NXN: variants seen among roughly 807,000 people sequenced by gnomAD.
The protein encoded by NXN is nucleoredoxin 1.
Under a neutral mutation model 48.6 loss-of-function variants are expected in NXN, and 16 were observed. The ratio of observed to expected loss-of-function variants is 0.33; its 90% CI spans 0.22 to 0.50. The LOEUF is 0.50. Among genes scored for constraint, NXN ranks in the 20% least tolerant of loss-of-function variants. NXN has a pLI of 0.98. For synonymous variants in NXN, 281 were observed against 269.6 expected (o/e 1.04, Z -0.41); for missense variants, 492 against 605.5 (o/e 0.81, Z 1.97).
intron 1 of NXN, chr17:910,007 A>G (rs1007015252): frequency 5.9e-5 from 9 of 152,228 alleles, no homozygotes; most frequent in African/African-American, 1.9e-4. Context: ...TACTTCTAAC[A>G]TAAAGGCAGT....
At chr17:847,912 T>G (rs957873979) in intron 1 of NXN, among the ~76,000 whole-genome samples, 5 of 152,002 alleles carry the variant, frequency 3.3e-5, no homozygotes, top group Non-Finnish European at 5.9e-5. Context: ...AATAAAGAAA[T>G]AAATATAGGA....
intron 1 of NXN, among the ~76,000 whole-genome samples, chr17:938,062 A>C (rs578131715): frequency 6.6e-6 from 1 of 152,360 alleles, no homozygotes; most frequent in Admixed American, 6.5e-5. Flanking sequence ...CACATTTGAA[A>C]ACCCACCAAG....
At position 803,754 on chromosome 17, in the gene NXN, T is replaced by C. The variant is rs1245635818; in HGVS notation, c.1053A>G (p.Ile351Met). The change falls in exon 7 of 8, where the codon ATA (isoleucine) becomes ATG (methionine). Residue 351 changes from isoleucine (I) to methionine (M), a missense_variant. Coordinates refer to ENST00000336868, the MANE Select transcript of NXN (RefSeq NM_022463.5). ...TGTACTTGGCAATGATTTTCTCAGC[T>C]ATCGGCTGAATCAGCTGCTTGGCCG... The part of the protein sequence containing the change: ...SEAAKQLIQP[I>M]AEKIIAKYKA... The C allele has an allele frequency of 3.7e-6, 6 of 1,614,192 alleles. No homozygotes were observed. The highest frequency in any genetic ancestry group is 5.1e-6 in the Non-Finnish European group (6 of 1,180,000).
intron 1 of NXN, among the ~76,000 whole-genome samples, chr17:888,028 G>A (rs896496747): frequency 2.0e-5 from 3 of 152,136 alleles, no homozygotes; most frequent in African/African-American, 7.2e-5. Context: ...GTTGAGAAGC[G>A]TGCCAGGTAC....
chr17:836,737 T>C (rs1913845614), intron 1 of NXN, among the ~76,000 whole-genome samples: 2 of 152,166 alleles, frequency 1.3e-5, no homozygotes, highest in African/African-American at 2.4e-5. Flanking sequence ...GCTGTGAACA[T>C]GAGTTACATA....
intron 1 of NXN, among the ~76,000 whole-genome samples, chr17:838,453 A>T (rs1301231891): frequency 6.6e-6 from 1 of 152,034 alleles, no homozygotes; most frequent in Non-Finnish European, 1.5e-5. Context: ...TTTTCTAACC[A>T]ATTTACAGAT....
At chr17:836,234 G>T (rs374910841) in intron 1 of NXN, among the ~76,000 whole-genome samples, 2 of 152,150 alleles carry the variant, frequency 1.3e-5, no homozygotes, top group African/African-American at 2.4e-5. Flanking sequence ...ATCTGCCCCC[G>T]CATGCTAAGG....
rs1237077065 is a variant in NXN, at chr17:917,097, T to G, written c.360+62222A>C. Among the ~76,000 whole-genome samples, 2 of 151,950 alleles carry G rather than the reference T, an allele frequency of 1.3e-5. No individual in the cohort carries two copies. The highest frequency in any genetic ancestry group is 3.9e-4 in the East Asian group (2 of 5,178). Reference sequence around the variant, plus strand: ...CTACAAATCAAACATCCGCTTTGCCTCCAACAAGATTCCCTGTTCCTAAGT... The same window carrying G: ...CTACAAATCAAACATCCGCTTTGCCGCCAACAAGATTCCCTGTTCCTAAGT... On this transcript the variant is annotated intron_variant, in intron 1 of 7. Transcript: ENST00000336868. This position sits in a 1 kb window ranked among gnomAD's most constrained non-coding sequence, Gnocchi z 4.5.
intron 1 of NXN, among the ~76,000 whole-genome samples, chr17:947,044 C>T (rs1363241280): frequency 1.3e-5 from 2 of 152,182 alleles, no homozygotes; most frequent in African/African-American, 4.8e-5. Flanking sequence ...AGAGACGATA[C>T]ACGCCAGCAC....
intron 1 of NXN, chr17:842,563 C>T (rs1489273904): frequency 3.0e-6 from 3 of 985,296 alleles, no homozygotes; most frequent in Admixed American, 6.1e-5. Flanking sequence ...CGGCACATCC[C>T]GAGACACGTG....
intron 7 of NXN, among the ~76,000 whole-genome samples, chr17:801,831 G>T (rs1265361249): frequency 6.6e-6 from 1 of 152,176 alleles, no homozygotes; most frequent in Non-Finnish European, 1.5e-5. Context: ...GGCCAATCTG[G>T]ACTTCAACTC....
At chr17:848,668 G>T (rs1308198163) in intron 1 of NXN, among the ~76,000 whole-genome samples, 1 of 152,214 alleles carries the variant, frequency 6.6e-6, no homozygotes, top group Non-Finnish European at 1.5e-5. Flanking sequence ...ACTCAAAGGG[G>T]CCACCACACG....
intron 1 of NXN, among the ~76,000 whole-genome samples, chr17:885,887 A>G (rs370151313): frequency 6.7e-6 from 1 of 150,034 alleles, no homozygotes; most frequent in African/African-American, 2.5e-5. Context: ...ACGGGGTTTC[A>G]CCGTGTCAGC....
chr17:853,723 A>ATATATATATATATATATATATAT (rs1491528474), intron 1 of NXN, among the ~76,000 whole-genome samples: 50 of 105,950 alleles, frequency 4.7e-4, no homozygotes, highest in Non-Finnish European at 5.7e-4. Context: ...ATATATATAT[A>ATATATATATATATATATATATAT]TTTTTTTTTT....
chr17:921,136 G>A (rs893099069), intron 1 of NXN, among the ~76,000 whole-genome samples: 17 of 152,138 alleles, frequency 1.1e-4, no homozygotes, highest in Non-Finnish European at 2.2e-4. Context: ...ACGGGACGGC[G>A]TTCAGCCACC....
rs2068729446 is a variant in NXN, at chr17:919,999, A to C, written c.360+59320T>G. On this transcript the variant is annotated intron_variant, in intron 1 of 7. Coordinates refer to ENST00000336868, the MANE Select transcript of NXN (RefSeq NM_022463.5). This position sits in a 1 kb window ranked among gnomAD's most constrained non-coding sequence, Gnocchi z 5.1. ...CATCACCCATCCAGAGCAACTACCC[A>C]CTTCCACGGCCTCCTCCATGTGAGG... 6.6e-6 allele frequency among the ~76,000 whole-genome samples: 1 copy of C among 151,796 alleles called. No homozygotes were observed. The highest frequency in any genetic ancestry group is 2.1e-4 in the South Asian group (1 of 4,806).
At position 911,938 on chromosome 17, in the gene NXN, C is replaced by CTT. The variant is rs147131427; in HGVS notation, c.360+67379_360+67380dup. ...CTTCCAGACGATATTCATGCATATA[C>CTT]TTTTTTTTTTTTTTTGAGATGGACA... On this transcript the variant is annotated intron_variant, in intron 1 of 7. Coordinates refer to ENST00000336868, the MANE Select transcript of NXN (RefSeq NM_022463.5). 9.0e-3 allele frequency among the ~76,000 whole-genome samples: 1,282 copies of CTT among 141,790 alleles called. 23 individuals are homozygous for CTT. Among genetic ancestry groups the CTT allele is most frequent in the African/African-American group, 0.031 (1,207 of 38,340 alleles). The allele number at this position is 141,790 out of a possible 152,430, so 93.0% of individuals were successfully genotyped here.
chr17:934,648 T>C (rs1383627249), intron 1 of NXN, among the ~76,000 whole-genome samples: 1 of 151,496 alleles, frequency 6.6e-6, no homozygotes, highest in Non-Finnish European at 1.5e-5. Context: ...CCAAGGTGGG[T>C]GGATCACCTG....
chr17:911,276 C>A (rs992622824), intron 1 of NXN: 2 of 149,342 alleles, frequency 1.3e-5, no homozygotes, highest in Non-Finnish European at 3.0e-5. Context: ...GAAATGACAT[C>A]TTTACAATAT....
Sources: gnomAD v4.1 joint callset for allele counts (sites outside exome capture counted in the v4.1 genomes callset) on GRCh38, gnomAD v4.1.1 for gene constraint, Gnocchi (gnomAD v3.1) non-coding constraint, MANE v1.5 for transcripts, NCBI Gene and HGNC (gene_info 2026-07-23, HGNC 2026-07-21) for gene names.